Variants in ZC3H12B observed in about 807,000 individuals in gnomAD.
The protein encoded by ZC3H12B is probable ribonuclease ZC3H12B.
Under a neutral mutation model 43.9 loss-of-function variants are expected in ZC3H12B, and 7 were observed. The observed-to-expected ratio is 0.16, with a 90% CI of 0.09 to 0.30. The LOEUF (loss-of-function observed/expected upper bound fraction) is 0.30, where lower values mean the gene tolerates loss of function less well. ZC3H12B is among the 10% of genes least tolerant of loss of function. The pLI is 1.00. For missense variants in ZC3H12B, 475 were observed against 670.2 expected (o/e 0.71, Z 3.22); for synonymous variants, 222 against 241.7 (o/e 0.92, Z 0.76).
intron 3 of ZC3H12B, among the ~76,000 whole-genome samples, chrX:65,418,524 G>A (rs2066985185): frequency 9.0e-6 from 1 of 111,638 alleles, no homozygotes; most frequent in African/African-American, 3.3e-5. Flanking sequence ...GGAACCAAGT[G>A]ATAACAGTCG....
chrX:65,091,318 T>G, the ZC3H12B span, among the ~76,000 whole-genome samples: 1 of 111,933 alleles, frequency 8.9e-6, no homozygotes, highest in African/African-American at 3.2e-5. Flanking sequence ...TCAAGAGTAT[T>G]TGGAAAGAGT....
chrX:65,475,538 C>A (rs917059673), intron 3 of ZC3H12B, among the ~76,000 whole-genome samples: 11 of 111,203 alleles, frequency 9.9e-5, no homozygotes, highest in African/African-American at 3.6e-4. Context: ...TACAAGGATC[C>A]CTTACATGCA....
chrX:65,085,718 G>T, the ZC3H12B span, among the ~76,000 whole-genome samples: 2 of 109,512 alleles, frequency 1.8e-5, no homozygotes, highest in African/African-American at 6.7e-5. Flanking sequence ...GTTACAGTGA[G>T]CTATGATTGT....
the ZC3H12B span, among the ~76,000 whole-genome samples, chrX:65,331,865 C>CTT: frequency 9.0e-6 from 1 of 111,287 alleles, no homozygotes; most frequent in Middle Eastern, 4.7e-3. Context: ...GTGGAAGTGT[C>CTT]TTTTTGCATG....
At chrX:65,153,575 AAAC>A in the ZC3H12B span, among the ~76,000 whole-genome samples, 2 of 111,910 alleles carry the variant, frequency 1.8e-5, no homozygotes, top group African/African-American at 3.2e-5. Flanking sequence ...AAAAGTCAGG[AAAC>A]AACAGGTGCT....
chrX:65,069,408 G>A, the ZC3H12B span, among the ~76,000 whole-genome samples: 12 of 108,083 alleles, frequency 1.1e-4, no homozygotes, highest in African/African-American at 4.1e-4. Context: ...CTAATCCTTC[G>A]GTTCTGCTAC....
the ZC3H12B span, among the ~76,000 whole-genome samples, chrX:65,193,218 A>G: frequency 1.8e-5 from 2 of 110,055 alleles, no homozygotes; most frequent in African/African-American, 6.6e-5. Flanking sequence ...ATTTTTTGGA[A>G]TAGTTTAAGG....
At chrX:65,273,165 C>T in the ZC3H12B span, 3 of 112,373 alleles carry the variant, frequency 2.7e-5, no homozygotes, top group South Asian at 1.1e-3. Flanking sequence ...CCAGTTAGCA[C>T]TTACTTGAAA....
At chrX:65,043,450 G>T in the ZC3H12B span, among the ~76,000 whole-genome samples, 1 of 109,539 alleles carries the variant, frequency 9.1e-6, no homozygotes, top group South Asian at 3.8e-4. Flanking sequence ...AAACATCTAA[G>T]GTTTTTATAT....
chrX:65,241,745 A>G, the ZC3H12B span, among the ~76,000 whole-genome samples: 12 of 111,930 alleles, frequency 1.1e-4, no homozygotes, highest in Non-Finnish European at 1.7e-4. Context: ...GTGTCAGGCA[A>G]TCTCCAGCCT....
At chrX:65,383,729 T>C (rs1393104414) in intron 2 of ZC3H12B, among the ~76,000 whole-genome samples, 4 of 110,829 alleles carry the variant, frequency 3.6e-5, no homozygotes, top group East Asian at 2.8e-4. Context: ...ATATCCAGAA[T>C]CTACAATGAA....
At chrX:65,454,464 G>A (rs956559792) in intron 3 of ZC3H12B, among the ~76,000 whole-genome samples, 13 of 112,295 alleles carry the variant, frequency 1.2e-4, no homozygotes, top group Non-Finnish European at 1.7e-4. Context: ...GCTTGAGTAG[G>A]TAAACAAAGC....
At chrX:65,143,164 A>G in the ZC3H12B span, among the ~76,000 whole-genome samples, 3 of 111,530 alleles carry the variant, frequency 2.7e-5, no homozygotes, top group African/African-American at 3.3e-5. Flanking sequence ...TGTTTGTGTC[A>G]TCCGTGATTT....
the ZC3H12B span, among the ~76,000 whole-genome samples, chrX:65,139,132 G>A: frequency 8.9e-6 from 1 of 112,002 alleles, no homozygotes; most frequent in African/African-American, 3.2e-5. Flanking sequence ...TGTTGGCTGT[G>A]CTTTTGGTAT....
the ZC3H12B span, among the ~76,000 whole-genome samples, chrX:65,097,993 T>G: frequency 9.0e-6 from 1 of 111,637 alleles, no homozygotes; most frequent in Non-Finnish European, 1.9e-5. Flanking sequence ...AAAGAGCTGC[T>G]TAAGGGCTGT....
At chrX:65,407,696 C>T (rs1424762356) in intron 3 of ZC3H12B, among the ~76,000 whole-genome samples, 3 of 113,734 alleles carry the variant, frequency 2.6e-5, no homozygotes, top group Non-Finnish European at 5.6e-5. Context: ...TGGCGCCGCG[C>T]ACGCGGATCC....
At chrX:65,279,914 C>T in the ZC3H12B span, among the ~76,000 whole-genome samples, 1 of 112,095 alleles carries the variant, frequency 8.9e-6, no homozygotes, top group Non-Finnish European at 1.9e-5. Context: ...GGGCCAAGGA[C>T]ATGAAAAGAC....
chrX:65,455,777 T>A (rs2067599330), intron 3 of ZC3H12B, among the ~76,000 whole-genome samples: 1 of 112,203 alleles, frequency 8.9e-6, no homozygotes, highest in African/African-American at 3.2e-5. Flanking sequence ...ACAGCTGATC[T>A]CTTGGAAGAA....
chrX:65,058,043 T>A, the ZC3H12B span, among the ~76,000 whole-genome samples: 1 of 112,330 alleles, frequency 8.9e-6, no homozygotes, highest in Non-Finnish European at 1.9e-5. Flanking sequence ...CTCCTTTAGC[T>A]CGGAGAAGTT....
Sources: gnomAD v4.1 joint callset for allele counts (sites outside exome capture counted in the v4.1 genomes callset) on GRCh38, gnomAD v4.1.1 for gene constraint, MANE v1.5 for transcripts, NCBI Gene and HGNC (gene_info 2026-07-23, HGNC 2026-07-21) for gene names.